The following FAT3 variants were observed in gnomAD, a reference collection of about 807,000 sequenced individuals.
FAT3 encodes protocadherin Fat 3.
Under a neutral mutation model 310.2 loss-of-function variants are expected in FAT3, and 95 were observed. The ratio of observed to expected loss-of-function variants is 0.31; its 90% CI spans 0.26 to 0.36. The LOEUF (loss-of-function observed/expected upper bound fraction) is 0.36, where lower values mean the gene tolerates loss of function less well. Among genes scored for constraint, FAT3 ranks in the 10% least tolerant of loss-of-function variants. The probability of loss-of-function intolerance (pLI) is 1.00; values close to 1 mark genes in which losing one functional copy is unlikely to be tolerated. For missense variants in FAT3, 5,408 were observed against 5,715.6 expected (o/e 0.95, Z 1.74); for synonymous variants, 2,314 against 2,192.9 (o/e 1.06, Z -1.54).
At chr11:92,665,202 G>T (rs947744227) in intron 3 of FAT3, among the ~76,000 whole-genome samples, 1 of 152,270 alleles carries the variant, frequency 6.6e-6, no homozygotes, top group South Asian at 2.1e-4. Context: ...TCCCACAAAT[G>T]CACGTTGGCA....
intron 1 of FAT3, among the ~76,000 whole-genome samples, chr11:92,293,683 G>C (rs772688611): frequency 6.6e-6 from 1 of 151,344 alleles, no homozygotes; most frequent in African/African-American, 2.4e-5. Context: ...TCAAGAAAAG[G>C]ATCAGGAGGT....
chr11:92,678,504 T>G (rs369654254), intron 3 of FAT3, among the ~76,000 whole-genome samples: 3 of 152,126 alleles, frequency 2.0e-5, no homozygotes, highest in East Asian at 1.9e-4. Flanking sequence ...ACACTTCCCA[T>G]TAGGCCTCCC....
intron 1 of FAT3, among the ~76,000 whole-genome samples, chr11:92,275,956 T>TTATGTGTGTGATACATATAAAA (rs71062095): frequency 0.61 from 92,020 of 150,834 alleles, 28,441 homozygotes; most frequent in African/African-American, 0.71. Context: ...TTGATCACGT[T>TTATGTGTGTGATACATATAAAA]TATGTGTGTG....
At chr11:92,779,793 A>T (rs1368054639) in intron 7 of FAT3, among the ~76,000 whole-genome samples, 1 of 152,200 alleles carries the variant, frequency 6.6e-6, no homozygotes, top group Non-Finnish European at 1.5e-5. Flanking sequence ...GTCGAATCAC[A>T]TGAGCCCTTA....
At chr11:92,265,028 G>C (rs1432139950) in intron 1 of FAT3, among the ~76,000 whole-genome samples, 1 of 151,732 alleles carries the variant, frequency 6.6e-6, no homozygotes, top group South Asian at 2.1e-4. Flanking sequence ...GGAAAAAAAA[G>C]GTTGAAAAAA....
chr11:92,845,803 C>T (rs1487768578), intron 19 of FAT3, among the ~76,000 whole-genome samples: 1 of 152,168 alleles, frequency 6.6e-6, no homozygotes, highest in African/African-American at 2.4e-5. Context: ...GGCCTCTTCC[C>T]TTGCAGAAAG....
chr11:92,694,341 G>T (rs916816996), intron 3 of FAT3, among the ~76,000 whole-genome samples: 1 of 152,164 alleles, frequency 6.6e-6, no homozygotes, highest in African/African-American at 2.4e-5. Flanking sequence ...AACCTGCAGA[G>T]GCTTTCCTGT....
At chr11:92,585,886 C>G (rs1164253508) in intron 3 of FAT3, among the ~76,000 whole-genome samples, 1 of 151,804 alleles carries the variant, frequency 6.6e-6, no homozygotes, top group African/African-American at 2.4e-5. Flanking sequence ...ATCTAACAAT[C>G]TGTCCTCCCT....
chr11:92,861,541 A>G (rs1390312990), intron 21 of FAT3, among the ~76,000 whole-genome samples: 3 of 152,256 alleles, frequency 2.0e-5, no homozygotes, highest in Admixed American at 1.3e-4. Context: ...CTAATAAACT[A>G]GAGATGGATG....
intron 2 of FAT3, among the ~76,000 whole-genome samples, chr11:92,447,685 CCT>C (rs113157119): frequency 0.087 from 13,288 of 152,026 alleles, 863 homozygotes; most frequent in African/African-American, 0.18. Flanking sequence ...GTGAGGTTCC[CCT>C]GTGTCCTGAT....
chr11:92,744,336 A>G (rs1239718153), intron 4 of FAT3, among the ~76,000 whole-genome samples: 5 of 152,172 alleles, frequency 3.3e-5, no homozygotes, highest in African/African-American at 9.7e-5. Flanking sequence ...TTTACCACGC[A>G]TTAAAGTGTA....
intron 13 of FAT3, among the ~76,000 whole-genome samples, chr11:92,830,378 T>C (rs1948213309): frequency 6.6e-6 from 1 of 152,198 alleles, no homozygotes; most frequent in South Asian, 2.1e-4. Flanking sequence ...CATAAAATGG[T>C]ATTTTGGTAA....
At chr11:92,517,169 G>A (rs1953514591) in intron 2 of FAT3, among the ~76,000 whole-genome samples, 1 of 152,090 alleles carries the variant, frequency 6.6e-6, no homozygotes, top group African/African-American at 2.4e-5. Flanking sequence ...AGCCCATATA[G>A]CCAAGACAAC....
At chr11:92,238,266 T>C (rs1864519345) in intron 1 of FAT3, among the ~76,000 whole-genome samples, 1 of 152,172 alleles carries the variant, frequency 6.6e-6, no homozygotes, top group Non-Finnish European at 1.5e-5. Flanking sequence ...TACAGTCTGT[T>C]CCATAATGTG....
At chr11:92,417,201 T>A (rs1434774521) in intron 2 of FAT3, among the ~76,000 whole-genome samples, 7 of 152,218 alleles carry the variant, frequency 4.6e-5, no homozygotes, top group Admixed American at 1.3e-4. Flanking sequence ...AATGCTAACC[T>A]ATTATGCAAG....
chr11:92,829,629 G>T (rs963230648), intron 13 of FAT3, among the ~76,000 whole-genome samples: 5 of 152,180 alleles, frequency 3.3e-5, no homozygotes, highest in African/African-American at 1.2e-4. Context: ...ACAATAGCCA[G>T]AAAGCACCCC....
chr11:92,548,968 C>A (rs1954709758), intron 3 of FAT3, among the ~76,000 whole-genome samples: 1 of 152,140 alleles, frequency 6.6e-6, no homozygotes, highest in African/African-American at 2.4e-5. Context: ...AGCTTATATT[C>A]TCTTATTTAG....
chr11:92,529,048 C>T (rs950784490), intron 3 of FAT3, among the ~76,000 whole-genome samples: 1 of 152,162 alleles, frequency 6.6e-6, no homozygotes, highest in Non-Finnish European at 1.5e-5. Flanking sequence ...AAGTGCATGA[C>T]GTACCGTTGA....
At chr11:92,454,088 T>C (rs1951433948) in intron 2 of FAT3, among the ~76,000 whole-genome samples, 1 of 152,184 alleles carries the variant, frequency 6.6e-6, no homozygotes, top group Non-Finnish European at 1.5e-5. Context: ...CAACATGTAA[T>C]GAAAATTAAA....
Sources: allele counts gnomAD v4.1 joint callset (sites outside exome capture counted in the v4.1 genomes callset), GRCh38; gene constraint gnomAD v4.1.1; transcripts MANE v1.5; gene names NCBI Gene and HGNC (gene_info 2026-07-23, HGNC 2026-07-21).